The following PIP5K1B variants were observed in gnomAD, a reference collection of about 807,000 sequenced individuals.
PIP5K1B encodes phosphatidylinositol-4-phosphate 5-kinase type 1 beta.
Under a neutral mutation model 67.0 loss-of-function variants are expected in PIP5K1B, and 42 were observed. That is an observed-to-expected ratio of 0.63 (90% CI 0.49 to 0.81). PIP5K1B has a LOEUF of 0.81. Among genes scored for constraint, PIP5K1B ranks in the 30% least tolerant of loss-of-function variants. The probability of loss-of-function intolerance (pLI) is 0.00; values close to 1 mark genes in which losing one functional copy is unlikely to be tolerated. For missense variants in PIP5K1B, 459 were observed against 646.3 expected (o/e 0.71, Z 3.14); for synonymous variants, 214 against 231.4 (o/e 0.92, Z 0.68).
At chr9:68,751,849 GTTTAC>G (rs1485022906) in intron 2 of PIP5K1B, among the ~76,000 whole-genome samples, 2 of 152,118 alleles carry the variant, frequency 1.3e-5, no homozygotes, top group Non-Finnish European at 2.9e-5. Flanking sequence ...CATACTAAAT[GTTTAC>G]TTTAAAGTGT....
chr9:68,716,951 C>A (rs1343665813), intron 1 of PIP5K1B, among the ~76,000 whole-genome samples: 1 of 152,140 alleles, frequency 6.6e-6, no homozygotes. Context: ...AATGGATGCA[C>A]CTGGAGGCCG....
intron 8 of PIP5K1B, among the ~76,000 whole-genome samples, chr9:68,896,659 G>A (rs999502329): frequency 6.6e-6 from 1 of 152,168 alleles, no homozygotes; most frequent in Admixed American, 6.5e-5. Flanking sequence ...TCTTGGGCTG[G>A]TATGGGAGTG....
At chr9:68,866,129 T>C (rs1039977212) in intron 5 of PIP5K1B, among the ~76,000 whole-genome samples, 12 of 152,072 alleles carry the variant, frequency 7.9e-5, no homozygotes, top group South Asian at 2.1e-4. Flanking sequence ...ATTTAAAATA[T>C]AGCAATTTAG....
intron 15 of PIP5K1B, among the ~76,000 whole-genome samples, chr9:69,005,525 C>T (rs951694062): frequency 6.6e-6 from 1 of 151,970 alleles, no homozygotes; most frequent in Non-Finnish European, 1.5e-5. Context: ...TACAGGCATG[C>T]GCCACCACAC....
intron 14 of PIP5K1B, among the ~76,000 whole-genome samples, chr9:68,942,593 C>T (rs1196069668): frequency 6.6e-6 from 1 of 152,086 alleles, no homozygotes; most frequent in African/African-American, 2.4e-5. Context: ...CCTGGCCATC[C>T]TGGAAGCTAC....
At chr9:68,772,400 A>G (rs1830709579) in intron 2 of PIP5K1B, among the ~76,000 whole-genome samples, 1 of 152,336 alleles carries the variant, frequency 6.6e-6, no homozygotes, top group African/African-American at 2.4e-5. Context: ...GGATGGTGAC[A>G]TGACAGCAGT....
intron 14 of PIP5K1B, among the ~76,000 whole-genome samples, chr9:68,944,337 C>A (rs1009769697): frequency 6.6e-6 from 1 of 152,210 alleles, no homozygotes; most frequent in Non-Finnish European, 1.5e-5. Flanking sequence ...AGAACAATTT[C>A]ATTTAATGTT....
chr9:68,814,015 A>G (rs1833301395), intron 2 of PIP5K1B, among the ~76,000 whole-genome samples: 1 of 152,202 alleles, frequency 6.6e-6, no homozygotes, highest in Admixed American at 6.5e-5. Flanking sequence ...GGCGCACAAA[A>G]TGAAAGTCCC....
At chr9:68,827,195 T>G (rs1834031804) in intron 4 of PIP5K1B, among the ~76,000 whole-genome samples, 1 of 152,178 alleles carries the variant, frequency 6.6e-6, no homozygotes, top group Admixed American at 6.5e-5. Flanking sequence ...TGGACAAAGC[T>G]AAGTGGTGGT....
chr9:68,747,303 C>T (rs1829364688), intron 2 of PIP5K1B, among the ~76,000 whole-genome samples: 1 of 150,152 alleles, frequency 6.7e-6, no homozygotes, highest in African/African-American at 2.5e-5. Context: ...GAAACTGCAG[C>T]AGTTGAAGTT....
chr9:68,805,639 C>T (rs1370867204), intron 2 of PIP5K1B, among the ~76,000 whole-genome samples: 1 of 152,024 alleles, frequency 6.6e-6, no homozygotes, highest in East Asian at 1.9e-4. Flanking sequence ...TGTTGTGACA[C>T]CAGAGCCTCT....
chr9:68,747,272 C>G (rs891645006), intron 2 of PIP5K1B, among the ~76,000 whole-genome samples: 1 of 148,594 alleles, frequency 6.7e-6, no homozygotes, highest in Non-Finnish European at 1.5e-5. Context: ...CTGGTGTGTC[C>G]TATCTGGTTA....
intron 6 of PIP5K1B, among the ~76,000 whole-genome samples, chr9:68,879,995 G>A (rs1211239661): frequency 1.3e-5 from 2 of 152,070 alleles, no homozygotes; most frequent in Non-Finnish European, 2.9e-5. Context: ...TAATCGGAAG[G>A]ATTGTGTACT....
At chr9:68,802,181 G>A (rs561906199) in intron 2 of PIP5K1B, among the ~76,000 whole-genome samples, 71 of 152,292 alleles carry the variant, frequency 4.7e-4, no homozygotes, top group Middle Eastern at 3.4e-3. Context: ...GGAAGTATTC[G>A]AAATACTAAA....
chr9:68,790,690 T>C (rs1184288805), intron 2 of PIP5K1B, among the ~76,000 whole-genome samples: 1 of 152,222 alleles, frequency 6.6e-6, no homozygotes, highest in African/African-American at 2.4e-5. Flanking sequence ...CCTGCCACTT[T>C]AGATTTTCTT....
At chr9:68,994,371 A>T (rs1470659647) in intron 15 of PIP5K1B, among the ~76,000 whole-genome samples, 1 of 152,142 alleles carries the variant, frequency 6.6e-6, no homozygotes, top group African/African-American at 2.4e-5. Flanking sequence ...TTAATTTAAA[A>T]CAGTAATCTA....
chr9:68,937,247 T>C (rs1257300368), intron 13 of PIP5K1B, among the ~76,000 whole-genome samples: 1 of 152,234 alleles, frequency 6.6e-6, no homozygotes, highest in African/African-American at 2.4e-5. Flanking sequence ...TCCTGGACTT[T>C]TTCTGGTTGG....
At chr9:68,912,970 G>A (rs950412206) in intron 8 of PIP5K1B, among the ~76,000 whole-genome samples, 4 of 152,202 alleles carry the variant, frequency 2.6e-5, no homozygotes, top group African/African-American at 9.7e-5. Flanking sequence ...GAAAACCTGA[G>A]GAATATGCTC....
chr9:68,889,279 T>A, intron 7 of PIP5K1B, 146 bp downstream of exon 7: 1 of 630,348 alleles, frequency 1.6e-6, no homozygotes, highest in Non-Finnish European at 2.8e-6. Flanking sequence ...GCTATGACAT[T>A]CATTGAATAG....
Sources: gnomAD v4.1 joint callset for allele counts (sites outside exome capture counted in the v4.1 genomes callset) on GRCh38, gnomAD v4.1.1 for gene constraint, MANE v1.5 for transcripts, NCBI Gene and HGNC (gene_info 2026-07-23, HGNC 2026-07-21) for gene names.